Variants in TUBGCP5 observed in about 807,000 individuals in gnomAD.
The protein encoded by TUBGCP5 is gamma-tubulin complex component 5.
In TUBGCP5, 98 loss-of-function variants were observed where a neutral mutation model predicts 134.7. That is an observed-to-expected ratio of 0.73 (90% CI 0.62 to 0.86). TUBGCP5 has a LOEUF of 0.86. Among genes scored for constraint, TUBGCP5 ranks in the 40% least tolerant of loss-of-function variants. TUBGCP5 has a pLI of 0.00. For missense variants in TUBGCP5, 1,150 were observed against 1,244.8 expected (o/e 0.92, Z 1.15); for synonymous variants, 456 against 431.4 (o/e 1.06, Z -0.71).
intron 3 of TUBGCP5, among the ~76,000 whole-genome samples, chr15:23,033,830 T>G (rs534190822): frequency 1.3e-4 from 20 of 152,322 alleles, no homozygotes; most frequent in African/African-American, 4.6e-4. Context: ...CACTTTTCCA[T>G]AAGCTTAAAA....
At chr15:22,997,729 G>C (rs887935441), downstream of TUBGCP5, among the ~76,000 whole-genome samples, 2 of 149,006 alleles carry the variant, frequency 1.3e-5, no homozygotes, top group Non-Finnish European at 3.0e-5. Flanking sequence ...GCAATTCTCT[G>C]GCCTCAGCCT....
intron 1 of TUBGCP5, among the ~76,000 whole-genome samples, chr15:23,037,812 T>C (rs2066681290): frequency 6.6e-6 from 1 of 152,190 alleles, no homozygotes; most frequent in African/African-American, 2.4e-5. Flanking sequence ...GATGCTACTT[T>C]TCAGTTAGAG....
chr15:23,029,202 C>T (rs1323250814), intron 6 of TUBGCP5, among the ~76,000 whole-genome samples: 1 of 152,126 alleles, frequency 6.6e-6, no homozygotes, highest in African/African-American at 2.4e-5. Flanking sequence ...CCAATAAAAA[C>T]TCCAGCTGGA....
At chr15:22,985,137 T>C (rs538145187) in intron 23 of TUBGCP5, among the ~76,000 whole-genome samples, 1 of 152,330 alleles carries the variant, frequency 6.6e-6, no homozygotes, top group South Asian at 2.1e-4. Context: ...ATGATGGTAA[T>C]TCTACTTCTA....
chr15:22,990,306 C>T (rs2063809094), intron 23 of TUBGCP5, among the ~76,000 whole-genome samples: 1 of 151,968 alleles, frequency 6.6e-6, no homozygotes, highest in African/African-American at 2.4e-5. Flanking sequence ...TCTCTGACTC[C>T]CACTACGGGC....
chr15:22,988,607 G>A (rs1175706036), intron 23 of TUBGCP5, among the ~76,000 whole-genome samples: 2 of 151,444 alleles, frequency 1.3e-5, no homozygotes, highest in African/African-American at 2.4e-5. Context: ...GTGGTGGTGG[G>A]TGCCTGTAGT....
chr15:23,019,613 A>G (rs781657048), intron 11 of TUBGCP5, among the ~76,000 whole-genome samples: 5 of 151,544 alleles, frequency 3.3e-5, no homozygotes, highest in Admixed American at 1.3e-4. Context: ...CCTGGCCAAC[A>G]TGGTGAAACC....
chr15:22,994,766 T>C (rs1029605304), downstream of TUBGCP5, among the ~76,000 whole-genome samples: 10 of 152,170 alleles, frequency 6.6e-5, no homozygotes, highest in African/African-American at 9.7e-5. Flanking sequence ...ATTGTAAAAA[T>C]ATGTTTAATA....
chr15:23,000,574 G>A lies in TUBGCP5; in HGVS notation c.3023C>T (p.Pro1008Leu). The A allele has an allele frequency of 6.2e-7, 1 of 1,612,014 alleles. No homozygotes were observed. ...TTTTAACATGATATACTCACAATGGGGAAAGGATCCTCTACAGACGGCTTT... is the reference window on the plus strand; with the variant it reads ...TTTTAACATGATATACTCACAATGGAGAAAGGATCCTCTACAGACGGCTTT... Reference protein sequence around the residue: ...LNKAVCRGSFPHLESLALSLM... With the variant: ...LNKAVCRGSFLHLESLALSLM... The change falls in exon 22 of 23, where the codon CCC becomes CTC. Residue 1008 changes from proline to leucine, a missense_variant. By Grantham distance (98) the Pro-to-Leu change is moderately conservative. Coordinates refer to ENST00000615383, the MANE Select transcript of TUBGCP5 (RefSeq NM_052903.6).
intron 15 of TUBGCP5, 43 bp from the exon 16 acceptor site, chr15:23,008,924 C>T (rs774127629): frequency 1.5e-5 from 22 of 1,470,698 alleles, no homozygotes; most frequent in South Asian, 2.9e-5. Flanking sequence ...CTCTGGCATT[C>T]GTAAGGCAGG....
downstream of TUBGCP5, chr15:22,996,727 A>T (rs2064097298): frequency 6.6e-6 from 1 of 152,188 alleles, no homozygotes; most frequent in African/African-American, 2.4e-5. Context: ...GCCTCAAGTG[A>T]TCGGTCTGCC....
intron 5 of TUBGCP5, among the ~76,000 whole-genome samples, chr15:23,031,392 T>C (rs1012524208): frequency 4.6e-5 from 7 of 151,954 alleles, no homozygotes; most frequent in Non-Finnish European, 7.4e-5. Flanking sequence ...TCTCAGCTCA[T>C]TGCAACCTCC....
At chr15:23,003,569 A>C (rs1287636653) in intron 20 of TUBGCP5, among the ~76,000 whole-genome samples, 1 of 151,318 alleles carries the variant, frequency 6.6e-6, no homozygotes, top group Admixed American at 6.6e-5. Context: ...AGTGTTGACT[A>C]TCACACATAG....
chr15:23,027,316 A>C lies in TUBGCP5; in HGVS notation c.623-10T>G, dbSNP rs781728002. On this transcript the variant is annotated splice_polypyrimidine_tract_variant and intron_variant, in intron 6 of 22. Transcript: ENST00000615383. ...CGGTCATCTGGCTCATCTGCTTGAA[A>C]GAAATGTAATCAGTTTGAGTTAACA... 1.9e-6 allele frequency: 3 copies of C among 1,611,350 alleles called. No homozygotes were observed. The African/African-American group carries it at 4.0e-5, about 22-fold the overall frequency.
chr15:23,005,378 GAAC>G (rs1385628326), intron 19 of TUBGCP5, 51 bp downstream of exon 19: 3 of 1,555,388 alleles, frequency 1.9e-6, no homozygotes, highest in South Asian at 1.2e-5. Flanking sequence ...AATTCTCTAC[GAAC>G]AACTGTATAG....
At chr15:23,039,269 G>A in intron 1 of TUBGCP5, 129 bp downstream of exon 1, 3 of 1,085,240 alleles carry the variant, frequency 2.8e-6, no homozygotes, top group South Asian at 4.6e-5. Flanking sequence ...GGCCTGCGAA[G>A]GCTCCCTGAG....
chr15:23,021,824 T>C, intron 11 of TUBGCP5, 135 bp downstream of exon 11: 1 of 947,692 alleles, frequency 1.1e-6, no homozygotes, highest in South Asian at 1.6e-5. Flanking sequence ...GCCTTAAATT[T>C]GGAAGTTAAT....
Position 22,999,565 on chromosome 15 carries a change from T to C in TUBGCP5, c.*255A>G. ...ACAGGTACACACCACCATGTCTGGA[T>C]ACATTTTGTATTTTTGGTAGACACC... On this transcript the variant is annotated 3_prime_UTR_variant, in exon 23 of 23. Transcript: ENST00000615383. 1 of 485,040 alleles carries C rather than the reference T, an allele frequency of 2.1e-6. No homozygotes were observed. The highest frequency in any genetic ancestry group is 2.2e-5 in the South Asian group (1 of 44,544). 30.0% of individuals were successfully genotyped at this position (485,040 alleles called of 1,614,324 possible).
At chr15:23,016,967 G>GATATATATATATATATAT (rs1432048816) in intron 13 of TUBGCP5, among the ~76,000 whole-genome samples, 11 of 60,896 alleles carry the variant, frequency 1.8e-4, no homozygotes, top group South Asian at 1.6e-3. Flanking sequence ...AAAAAATTGT[G>GATATATATATATATATAT]AGATATATAT....
Sources: gnomAD v4.1 joint callset for allele counts (sites outside exome capture counted in the v4.1 genomes callset) on GRCh38, gnomAD v4.1.1 for gene constraint, MANE v1.5 for transcripts, NCBI Gene and HGNC (gene_info 2026-07-23, HGNC 2026-07-21) for gene names.